Variants in SMARCA2 observed in about 807,000 individuals in gnomAD.
SMARCA2 encodes SWI/SNF related BAF chromatin remodeling complex subunit ATPase 2, also known as SWI/SNF-related matrix-associated actin-dependent regulator of chromatin subfamily A member 2.
Under a neutral mutation model 199.8 loss-of-function variants are expected in SMARCA2, and 61 were observed. The observed-to-expected ratio is 0.31, with a 90% CI of 0.25 to 0.38. The LOEUF is 0.38. SMARCA2 is among the 10% of genes least tolerant of loss of function. The probability of loss-of-function intolerance (pLI) is 1.00; values close to 1 mark genes in which losing one functional copy is unlikely to be tolerated. For synonymous variants in SMARCA2, 935 were observed against 732.0 expected (o/e 1.28, Z -4.48); for missense variants, 1,344 against 2,012.2 (o/e 0.67, Z 6.35).
intron 27 of SMARCA2, chr9:2,158,943 A>T: frequency 6.2e-7 from 1 of 1,612,102 alleles, no homozygotes; most frequent in Non-Finnish European, 8.5e-7. Context: ...AGCTCTCTGC[A>T]TTCCTGCATA....
intron 26 of SMARCA2, among the ~76,000 whole-genome samples, chr9:2,120,125 G>A (rs962654517): frequency 6.6e-6 from 1 of 152,218 alleles, no homozygotes. Flanking sequence ...GTGCATAAAG[G>A]TGTAGCCTTC....
intron 32 of SMARCA2, among the ~76,000 whole-genome samples, chr9:2,188,630 T>A (rs969672533): frequency 4.6e-5 from 7 of 152,310 alleles, no homozygotes; most frequent in African/African-American, 1.7e-4. Context: ...TCTCAAGCCT[T>A]GGTATATTAA....
chr9:2,062,256 T>C (rs1388922459), intron 9 of SMARCA2, among the ~76,000 whole-genome samples: 4 of 152,242 alleles, frequency 2.6e-5, no homozygotes, highest in African/African-American at 9.6e-5. Context: ...GACATATTGA[T>C]AGCAGAGAGA....
intron 27 of SMARCA2, chr9:2,160,106 G>A (rs928291076): frequency 2.3e-5 from 15 of 645,630 alleles, no homozygotes; most frequent in Middle Eastern, 4.2e-4. Flanking sequence ...TCCAAGATAT[G>A]CGGGACAATT....
intron 28 of SMARCA2, among the ~76,000 whole-genome samples, chr9:2,162,125 A>C (rs1048233749): frequency 6.6e-6 from 1 of 152,228 alleles, no homozygotes; most frequent in Non-Finnish European, 1.5e-5. Flanking sequence ...AATTTAGTTT[A>C]GATTACAAAA....
chr9:2,153,487 G>A (rs993041365), intron 27 of SMARCA2, among the ~76,000 whole-genome samples: 4 of 152,250 alleles, frequency 2.6e-5, no homozygotes, highest in African/African-American at 9.6e-5. Flanking sequence ...AGCTGTGATT[G>A]ATTACACCAC....
At chr9:2,160,019 A>C in intron 27 of SMARCA2, 10 of 1,459,148 alleles carry the variant, frequency 6.9e-6, no homozygotes, top group Non-Finnish European at 9.3e-6. Context: ...TCTGTGTGCA[A>C]CTGGGTGCTT....
At chr9:2,097,910 GT>G (rs1180148366) in intron 21 of SMARCA2, among the ~76,000 whole-genome samples, 1 of 152,142 alleles carries the variant, frequency 6.6e-6, no homozygotes, top group African/African-American at 2.4e-5. Context: ...TATTTTCTTT[GT>G]AAAAGACACT....
At chr9:2,105,233 A>ATTTT (rs550498507) in intron 23 of SMARCA2, among the ~76,000 whole-genome samples, 1 of 147,192 alleles carries the variant, frequency 6.8e-6, no homozygotes, top group African/African-American at 2.5e-5. Flanking sequence ...GACAAACTTG[A>ATTTT]TTTTTTTTTT....
intron 26 of SMARCA2, among the ~76,000 whole-genome samples, chr9:2,122,807 A>G (rs1823525262): frequency 6.6e-6 from 1 of 152,246 alleles, no homozygotes; most frequent in Non-Finnish European, 1.5e-5. Flanking sequence ...TGTGGAAATG[A>G]CACATCTCGC....
Position 2,193,291 on chromosome 9 carries a change from ATGATC to A in SMARCA2, c.*556_*560del, listed in dbSNP as rs746730143. ...TATACATTTTTCCATTTTATGCTCT[ATGATC>A]TGAACAAAAGCTTTTTGAATTGTAT... On this transcript the variant is annotated 3_prime_UTR_variant, in exon 34 of 34. Coordinates refer to ENST00000349721, the MANE Select transcript of SMARCA2 (RefSeq NM_003070.5). 6.5e-6 allele frequency: 1 copy of A among 152,726 alleles called. No individual in the cohort carries two copies. Among genetic ancestry groups the A allele is most frequent in the Admixed American group, 6.5e-5 (1 of 15,288 alleles). The allele number at this position is 152,726 out of a possible 1,614,324, so 9.5% of individuals were successfully genotyped here.
intron 26 of SMARCA2, among the ~76,000 whole-genome samples, chr9:2,120,426 C>T (rs985586240): frequency 2.0e-5 from 3 of 152,170 alleles, no homozygotes; most frequent in African/African-American, 7.2e-5. Context: ...GACAAATTTT[C>T]AAGGGGAGCT....
At chr9:2,040,273 C>T (rs1473091706) in intron 4 of SMARCA2, 5 of 392,288 alleles carry the variant, frequency 1.3e-5, no homozygotes, top group Non-Finnish European at 2.3e-5. Context: ...ATCAGCCCCA[C>T]TAGAGCCATT....
chr9:2,161,996 G>A lies in SMARCA2; in HGVS notation c.4199+93G>A, dbSNP rs1486804688. The A allele has an allele frequency of 1.0e-6, 1 of 971,858 alleles. No individual in the cohort carries two copies. Among genetic ancestry groups the A allele is most frequent in the Non-Finnish European group, 1.5e-6 (1 of 654,838 alleles). 60.2% of individuals were successfully genotyped at this position (971,858 alleles called of 1,614,324 possible). On this transcript the variant is annotated intron_variant, in intron 28 of 33. Transcript: ENST00000349721. The surrounding 1 kb of genome is among the most constrained non-coding windows in gnomAD (Gnocchi z 4.7). Reference sequence around the variant, plus strand: ...AGGAGTTGTTAAGTTGTGCACTTAGGTTTTATTAAGGTTCTTTCTAGTTTG... The same window carrying A: ...AGGAGTTGTTAAGTTGTGCACTTAGATTTTATTAAGGTTCTTTCTAGTTTG...
intron 27 of SMARCA2, chr9:2,160,798 T>C: frequency 2.4e-6 from 1 of 414,086 alleles, no homozygotes; most frequent in Admixed American, 4.2e-5. Context: ...TTTTCTATGT[T>C]CAAATTTTAT....
chr9:2,162,209 G>A (rs966934197), intron 28 of SMARCA2, among the ~76,000 whole-genome samples: 1 of 152,070 alleles, frequency 6.6e-6, no homozygotes, highest in African/African-American at 2.4e-5. Flanking sequence ...AGATATTTCA[G>A]ATGAAAGGGA....
intron 27 of SMARCA2, chr9:2,160,724 AGTTATTTTGTGTG>A (rs1356986439): frequency 2.4e-5 from 13 of 534,668 alleles, no homozygotes; most frequent in Non-Finnish European, 1.4e-5. Flanking sequence ...TAACAACATT[AGTTATTTTGTGTG>A]AGAGAGCAAT....
rs1297697184 is a variant in SMARCA2, at chr9:2,191,427, G to T, written c.4737+19G>T. ...TGAACGTGTAAGTGTAGCCGACTGG[G>T]ACTGAAGGCGGAGACGCCCTCTCCC... On this transcript the variant is annotated intron_variant, in intron 33 of 33. Transcript: ENST00000349721. 1.2e-6 allele frequency: 2 copies of T among 1,613,314 alleles called. No individual in the cohort carries two copies. The highest frequency in any genetic ancestry group is 1.7e-6 in the Non-Finnish European group (2 of 1,179,436).
At chr9:2,178,197 G>A (rs1826759217) in intron 29 of SMARCA2, among the ~76,000 whole-genome samples, 1 of 152,150 alleles carries the variant, frequency 6.6e-6, no homozygotes, top group African/African-American at 2.4e-5. Context: ...TCCATGAAGA[G>A]GAGAGGTTCT....
Sources: gnomAD v4.1 joint callset for allele counts (sites outside exome capture counted in the v4.1 genomes callset) on GRCh38, gnomAD v4.1.1 for gene constraint, Gnocchi (gnomAD v3.1) non-coding constraint, MANE v1.5 for transcripts, NCBI Gene and HGNC (gene_info 2026-07-23, HGNC 2026-07-21) for gene names.